Variants in ARRDC2 observed in about 807,000 individuals in gnomAD.
ARRDC2 encodes arrestin domain containing 2.
ARRDC2 carries 39 observed loss-of-function variants against 38.9 expected under a neutral mutation model. That is an observed-to-expected ratio of 1.00 (90% CI 0.78 to 1.31). The LOEUF (loss-of-function observed/expected upper bound fraction) is 1.31, where lower values mean the gene tolerates loss of function less well. Among genes scored for constraint, ARRDC2 ranks in the 50% most tolerant of loss-of-function variants. The probability of loss-of-function intolerance (pLI) is 0.00; values close to 1 mark genes in which losing one functional copy is unlikely to be tolerated. For missense variants in ARRDC2, 553 were observed against 588.4 expected, an observed-to-expected ratio of 0.94 and a Z score of 0.62; for synonymous variants, 300 against 261.9, an observed-to-expected ratio of 1.15 and a Z score of -1.41.
At chr19:18,011,959 T>A (rs1039296782) in intron 7 of ARRDC2, among the ~76,000 whole-genome samples, 4,922 of 125,764 alleles carry the variant, frequency 0.039, 64 homozygotes, top group Non-Finnish European at 0.056. Context: ...TATATTTTTT[T>A]TTTTTTTTTT....
At chr19:18,010,386 A>T (rs1277209594) in intron 6 of ARRDC2, 28 bp downstream of exon 6, 3 of 1,598,128 alleles carry the variant, frequency 1.9e-6, no homozygotes, top group Admixed American at 1.7e-5. Context: ...TTGCATGCAG[A>T]GGGTGGGTGG....
intron 1 of ARRDC2, 60 bp from the exon 2 acceptor site, chr19:18,008,651 C>G: frequency 6.2e-7 from 1 of 1,605,020 alleles, no homozygotes; most frequent in Non-Finnish European, 8.5e-7. Context: ...GGCGGTACCT[C>G]CGTCAGCCCT....
rs776736138 is a variant in ARRDC2, at chr19:18,008,293, G to T, written c.-18G>T. The stretch of plus-strand genomic sequence containing the variant: ...CGAGGCCAGGTTCCGCCTGTCGTGG[G>T]TTCGCACCCCGGACGCGATGCTATT... On this transcript the variant is annotated 5_prime_UTR_variant, in exon 1 of 8. Transcript: ENST00000222250. 6.3e-7 allele frequency: 1 copy of T among 1,588,796 alleles called. No individual in the cohort carries two copies. Among genetic ancestry groups the T allele is most frequent in the South Asian group, 1.1e-5 (1 of 90,330 alleles).
At position 18,009,762 on chromosome 19, in the gene ARRDC2, C is replaced by T. The variant is rs775232748; in HGVS notation, c.593-21C>T. On this transcript the variant is annotated intron_variant, in intron 4 of 7. Coordinates refer to ENST00000222250, the MANE Select transcript of ARRDC2 (RefSeq NM_015683.2). ...GGGGTTGCAGGAGGGGAAACTGAGGCCCCACTGCTCCTTGCTGCAGGAGAG... is the reference window on the plus strand; with the variant it reads ...GGGGTTGCAGGAGGGGAAACTGAGGTCCCACTGCTCCTTGCTGCAGGAGAG... 3.1e-6 allele frequency: 5 copies of T among 1,612,778 alleles called. No homozygotes were observed. In the South Asian group the frequency reaches 5.5e-5, roughly 18 times the overall value.
chr19:18,010,562 T>C lies in ARRDC2; in HGVS notation c.1013-10T>C. 1 of 1,613,238 alleles carries C rather than the reference T, an allele frequency of 6.2e-7. No homozygotes were observed. Among genetic ancestry groups the C allele is most frequent in the Middle Eastern group, 1.7e-4 (1 of 6,054 alleles). ...CTGCCAACCTCACCCACCCTGTCTC[T>C]CGCTTCCAGCTCCTCCTGAGTACTC... On this transcript the variant is annotated splice_polypyrimidine_tract_variant and intron_variant, in intron 6 of 7. Transcript: ENST00000222250.
rs1162074344 is a variant in ARRDC2 at position 18,008,983 on chromosome 19, A to G, written c.354A>G (p.Thr118=). Reference sequence around the variant, plus strand: ...CCCTCCACCCTAGGACCCTGGTGACATCCTTCGAGGGCAAACACGGTAGTG... The same window carrying G: ...CCCTCCACCCTAGGACCCTGGTGACGTCCTTCGAGGGCAAACACGGTAGTG... ...FSFQLPPTLV[T]SFEGKHGSVR... The change falls in exon 3 of 8, where the codon ACA becomes ACG. Residue 118 remains threonine (T), a synonymous_variant. Coordinates refer to ENST00000222250, the MANE Select transcript of ARRDC2 (RefSeq NM_015683.2). 2 of 1,613,634 alleles carry G rather than the reference A, an allele frequency of 1.2e-6. No individual in the cohort carries two copies. Among genetic ancestry groups the G allele is most frequent in the East Asian group, 4.5e-5 (2 of 44,862 alleles).
At chr19:18,010,143 GTGGGGGT>G in intron 5 of ARRDC2, 46 bp from the exon 6 acceptor site, 1 of 1,607,278 alleles carries the variant, frequency 6.2e-7, no homozygotes, top group African/African-American at 1.3e-5. Context: ...TAGGAGGGAG[GTGGGGGT>G]TGGGGAGGCT....
In ARRDC2 at chr19:18,008,276, G is replaced by C; in HGVS notation, c.-35G>C. 6.3e-7 allele frequency: 1 copy of C among 1,578,128 alleles called. No homozygotes were observed. ...CTGCCGGTTCGCGAGTTCGAGGCCA[G>C]GTTCCGCCTGTCGTGGGTTCGCACC... On this transcript the variant is annotated 5_prime_UTR_variant, in exon 1 of 8. Transcript: ENST00000222250.
chr19:18,006,679 T>A (rs4808736), upstream of ARRDC2, among the ~76,000 whole-genome samples: 40,393 of 151,952 alleles, frequency 0.27, 5,794 homozygotes, highest in African/African-American at 0.37. Flanking sequence ...TAAATTGTTA[T>A]ACATTTAAGG....
upstream of ARRDC2, among the ~76,000 whole-genome samples, chr19:18,006,941 T>A (rs2033291656): frequency 6.6e-6 from 1 of 152,166 alleles, no homozygotes; most frequent in East Asian, 1.9e-4. Flanking sequence ...AGACCCATCC[T>A]CCCAGGCAGC....
At chr19:18,011,077 C>T (rs894571816) in intron 7 of ARRDC2, among the ~76,000 whole-genome samples, 1 of 152,306 alleles carries the variant, frequency 6.6e-6, no homozygotes, top group Non-Finnish European at 1.5e-5. Flanking sequence ...CAGCTCACTT[C>T]AACTTCCGCA....
upstream of ARRDC2, among the ~76,000 whole-genome samples, chr19:18,006,110 G>A (rs1490155367): frequency 1.3e-5 from 2 of 151,544 alleles, no homozygotes; most frequent in Non-Finnish European, 2.9e-5. Context: ...AGGTGGGATG[G>A]CGGCCGGGCA....
chr19:18,005,673 A>T (rs941572593), upstream of ARRDC2, among the ~76,000 whole-genome samples: 4 of 143,914 alleles, frequency 2.8e-5, no homozygotes, highest in African/African-American at 8.1e-5. Flanking sequence ...CAGGGGGCTG[A>T]CCCCCCCACC....
At chr19:18,006,774 G>C (rs1356052759), upstream of ARRDC2, among the ~76,000 whole-genome samples, 1 of 152,186 alleles carries the variant, frequency 6.6e-6, no homozygotes, top group Non-Finnish European at 1.5e-5. Context: ...GGGCCTTTGG[G>C]GTCCGTCTGC....
chr19:18,008,219 G>A lies in ARRDC2; in HGVS notation c.-92G>A. ...GCGCCTGCGCGTTGACGGCGATTTT[G>A]CGTTCTGAGGCTGCAGCGTCGGCAT... is the stretch of plus-strand genomic sequence containing the variant. On this transcript the variant is annotated 5_prime_UTR_variant, in exon 1 of 8. Transcript: ENST00000222250. 3 of 1,368,702 alleles carry A rather than the reference G, an allele frequency of 2.2e-6. No individual in the cohort carries two copies. The highest frequency in any genetic ancestry group is 2.4e-4 in the Middle Eastern group (1 of 4,142). The allele number at this position is 1,368,702 out of a possible 1,614,324, so 84.8% of individuals were successfully genotyped here.
In ARRDC2 at chr19:18,013,214, T is replaced by C; in HGVS notation, c.*248T>C. 1 of 490,344 alleles carries C rather than the reference T, an allele frequency of 2.0e-6. No homozygotes were observed. The allele number at this position is 490,344 out of a possible 1,614,324, so 30.4% of individuals were successfully genotyped here. ...CCAGTGCAGTATCCGAGAGACTGTTTAATAACCTGTCTTCCCAGCCAATTG... is the reference window on the plus strand; with the variant it reads ...CCAGTGCAGTATCCGAGAGACTGTTCAATAACCTGTCTTCCCAGCCAATTG... On this transcript the variant is annotated 3_prime_UTR_variant, in exon 8 of 8. Coordinates refer to ENST00000222250, the MANE Select transcript of ARRDC2 (RefSeq NM_015683.2).
At chr19:18,005,335 A>G (rs35928002), upstream of ARRDC2, among the ~76,000 whole-genome samples, 66,858 of 151,420 alleles carry the variant, frequency 0.44, 18,442 homozygotes, top group African/African-American at 0.79. Context: ...AGGATCACAA[A>G]GCAGAAGAAT....
In ARRDC2 at chr19:18,010,480, C is replaced by A. The variant is rs2033389731; in HGVS notation, c.1013-92C>A. The stretch of plus-strand genomic sequence containing the variant: ...ACCAAAGGACATACAGCCTGGCAGC[C>A]CCAGAGCTGGCACAAGCCAGCTCCT... On this transcript the variant is annotated intron_variant, in intron 6 of 7. Coordinates refer to ENST00000222250, the MANE Select transcript of ARRDC2 (RefSeq NM_015683.2). 3 of 1,560,098 alleles carry A rather than the reference C, an allele frequency of 1.9e-6. No homozygotes were observed. In the Admixed American group the frequency reaches 5.4e-5, roughly 28 times the overall value.
chr19:18,011,842 CA>C (rs1354154688), intron 7 of ARRDC2, among the ~76,000 whole-genome samples: 1 of 147,342 alleles, frequency 6.8e-6, no homozygotes, highest in African/African-American at 2.5e-5. Context: ...GTCTGGGAGA[CA>C]AAACAAGACC....
Sources: allele counts gnomAD v4.1 joint callset (sites outside exome capture counted in the v4.1 genomes callset), GRCh38; gene constraint gnomAD v4.1.1; transcripts MANE v1.5; gene names NCBI Gene and HGNC (gene_info 2026-07-23, HGNC 2026-07-21).